CREB5: variants seen among roughly 807,000 people sequenced by gnomAD.
CREB5 encodes cAMP responsive element binding protein 5.
In CREB5, 19 loss-of-function variants were observed where a neutral mutation model predicts 57.1. The ratio of observed to expected loss-of-function variants is 0.33; its 90% CI spans 0.23 to 0.49. The LOEUF is 0.49. Ranked by LOEUF, CREB5 falls within the 20% of genes least tolerant of loss-of-function variation. The pLI is 0.99. For synonymous variants in CREB5, 238 were observed against 238.3 expected, an observed-to-expected ratio of 1.00 and a Z score of 0.01; for missense variants, 579 against 671.6, an observed-to-expected ratio of 0.86 and a Z score of 1.52.
chr7:28,707,598 C>A (rs537943881), intron 5 of CREB5, among the ~76,000 whole-genome samples: 1 of 152,336 alleles, frequency 6.6e-6, no homozygotes, highest in Admixed American at 6.5e-5. Context: ...TAATTTAGGA[C>A]TCCGAGAGGT....
intron 7 of CREB5, among the ~76,000 whole-genome samples, chr7:28,785,729 A>C (rs1807284898): frequency 6.6e-6 from 1 of 152,096 alleles, no homozygotes; most frequent in Non-Finnish European, 1.5e-5. Context: ...GGGCTTCTTA[A>C]TGGGGTGGGA....
chr7:28,694,084 A>C (rs1801412846), intron 5 of CREB5, among the ~76,000 whole-genome samples: 1 of 152,240 alleles, frequency 6.6e-6, no homozygotes, highest in Non-Finnish European at 1.5e-5. Flanking sequence ...GCTTTTTGTT[A>C]AGTAGTAGAT....
intron 4 of CREB5, among the ~76,000 whole-genome samples, chr7:28,535,667 G>A (rs551998771): frequency 3.5e-4 from 54 of 152,114 alleles, no homozygotes; most frequent in Middle Eastern, 6.8e-3. Flanking sequence ...AGAGAAAAGA[G>A]AAAGGGCAAG....
intron 1 of CREB5, among the ~76,000 whole-genome samples, chr7:28,340,874 A>C (rs1785922995): frequency 6.6e-6 from 1 of 152,160 alleles, no homozygotes; most frequent in Non-Finnish European, 1.5e-5. Context: ...AGTGGGCATC[A>C]GTTGAGTTCT....
intron 5 of CREB5, among the ~76,000 whole-genome samples, chr7:28,695,108 T>C (rs1198041550): frequency 6.6e-6 from 1 of 152,062 alleles, no homozygotes; most frequent in African/African-American, 2.4e-5. Context: ...GCACCTGTGG[T>C]CCCAGCCACT....
At chr7:28,767,576 T>C (rs1156339937) in intron 7 of CREB5, among the ~76,000 whole-genome samples, 1 of 152,208 alleles carries the variant, frequency 6.6e-6, no homozygotes, top group East Asian at 1.9e-4. Context: ...AGGGCAGATA[T>C]TGGCATACAC....
chr7:28,719,846 G>C (rs1374235964), intron 6 of CREB5, among the ~76,000 whole-genome samples: 1 of 152,300 alleles, frequency 6.6e-6, no homozygotes, highest in East Asian at 1.9e-4. Context: ...TAGATCATGA[G>C]GTCAAGAGAT....
At chr7:28,577,293 GT>G (rs1211941463) in intron 5 of CREB5, among the ~76,000 whole-genome samples, 1 of 152,188 alleles carries the variant, frequency 6.6e-6, no homozygotes, top group Admixed American at 6.5e-5. Context: ...CAGGAGCCAA[GT>G]TTGGCAGAAG....
At chr7:28,753,888 A>C (rs1468622622) in intron 7 of CREB5, among the ~76,000 whole-genome samples, 2 of 152,086 alleles carry the variant, frequency 1.3e-5, no homozygotes, top group East Asian at 3.8e-4. Flanking sequence ...AGAATGAGAG[A>C]AGGTTAACCC....
intron 4 of CREB5, among the ~76,000 whole-genome samples, chr7:28,560,827 C>CGTGCGTGCGCGTGCGTGTGCGT (rs1562797026): frequency 3.4e-5 from 3 of 89,024 alleles, no homozygotes; most frequent in Non-Finnish European, 7.0e-5. Context: ...TGTGTGCGCG[C>CGTGCGTGCGCGTGCGTGTGCGT]GCGCGCGTGT....
intron 5 of CREB5, among the ~76,000 whole-genome samples, chr7:28,675,267 T>C (rs559562756): frequency 6.6e-6 from 1 of 152,358 alleles, no homozygotes; most frequent in South Asian, 2.1e-4. Context: ...CCCATTAGAA[T>C]GCTGGTTCCC....
chr7:28,403,818 G>GT (rs1787525293), intron 1 of CREB5, among the ~76,000 whole-genome samples: 1 of 152,166 alleles, frequency 6.6e-6, no homozygotes, highest in East Asian at 1.9e-4. Context: ...TAAATAGAAA[G>GT]TTTTTTCTCT....
intron 1 of CREB5, among the ~76,000 whole-genome samples, chr7:28,451,255 G>A (rs780568294): frequency 2.0e-5 from 3 of 152,102 alleles, no homozygotes; most frequent in Non-Finnish European, 4.4e-5. Context: ...TAACTTGACT[G>A]GAAAGTAACT....
rs1487741295 is a variant in CREB5, at chr7:28,822,534, G to A, written c.*3255G>A. 6.6e-6 allele frequency: 1 copy of A among 152,632 alleles called. No homozygotes were observed. The highest frequency in any genetic ancestry group is 1.5e-5 in the Non-Finnish European group (1 of 68,072). 9.5% of individuals were successfully genotyped at this position (152,632 alleles called of 1,614,324 possible). ...ACCTGTCCTAAGGAGGGAAAATCCT[G>A]TCACACTGCCTCTCCCCATTCGTGT... On this transcript the variant is annotated 3_prime_UTR_variant, in exon 11 of 11. Transcript: ENST00000357727.
chr7:28,451,184 G>T (rs1027314091), intron 1 of CREB5, among the ~76,000 whole-genome samples: 9 of 151,626 alleles, frequency 5.9e-5, no homozygotes, highest in Non-Finnish European at 1.3e-4. Flanking sequence ...CAGAGGGAGG[G>T]TCTCTGCTTG....
rs973673626 is a variant in CREB5, at chr7:28,375,995, C to A, written c.-25+76554C>A. ...GAGAGGCATGAGTGGAGCTTGAACTCACGCAGTTGGCCTCCAGAGGCCATC... is the reference window on the plus strand; with the variant it reads ...GAGAGGCATGAGTGGAGCTTGAACTAACGCAGTTGGCCTCCAGAGGCCATC... On this transcript the variant is annotated intron_variant, in intron 1 of 9. Transcript: ENST00000396299. Among the ~76,000 whole-genome samples the A allele has an allele frequency of 3.3e-5, 5 of 152,316 alleles. No homozygotes were observed. The South Asian group carries it at 8.3e-4, about 25-fold the overall frequency.
At chr7:28,577,386 G>A (rs999893565) in intron 5 of CREB5, among the ~76,000 whole-genome samples, 2 of 152,130 alleles carry the variant, frequency 1.3e-5, no homozygotes, top group Non-Finnish European at 1.5e-5. Flanking sequence ...AGAAGCCCAC[G>A]GCAGTAAAAG....
intron 1 of CREB5, among the ~76,000 whole-genome samples, chr7:28,335,583 T>G (rs902477747): frequency 1.3e-4 from 19 of 151,984 alleles, no homozygotes; most frequent in African/African-American, 4.6e-4. Context: ...TCACTTCTAG[T>G]AGTTTTCTTT....
chr7:28,641,234 T>C (rs773320287), intron 5 of CREB5, among the ~76,000 whole-genome samples: 2 of 152,098 alleles, frequency 1.3e-5, no homozygotes, highest in Non-Finnish European at 2.9e-5. Context: ...TTAATAAGTT[T>C]GAAGGGGACC....
Sources: gnomAD v4.1 joint callset for allele counts (sites outside exome capture counted in the v4.1 genomes callset) on GRCh38, gnomAD v4.1.1 for gene constraint, MANE v1.5 for transcripts, NCBI Gene and HGNC (gene_info 2026-07-23, HGNC 2026-07-21) for gene names.